Variants in SORCS1 observed in about 807,000 individuals in gnomAD.
SORCS1 encodes sortilin related VPS10 domain containing receptor 1.
In SORCS1, 60 loss-of-function variants were observed where a neutral mutation model predicts 146.1. That is an observed-to-expected ratio of 0.41 (90% CI 0.33 to 0.51). The LOEUF (loss-of-function observed/expected upper bound fraction) is 0.51. SORCS1 is among the 20% of genes least tolerant of loss of function. The pLI is 0.21. For synonymous variants in SORCS1, 637 were observed against 584.0 expected (o/e 1.09, Z -1.31); for missense variants, 1,352 against 1,487.6 (o/e 0.91, Z 1.50).
chr10:106,802,955 T>C (rs1946984863), intron 3 of SORCS1, among the ~76,000 whole-genome samples: 1 of 152,146 alleles, frequency 6.6e-6, no homozygotes, highest in Non-Finnish European at 1.5e-5. Context: ...TTTTTAAAAC[T>C]TCGTTAAAAT....
intron 3 of SORCS1, among the ~76,000 whole-genome samples, chr10:106,791,802 C>T (rs576897878): frequency 3.2e-4 from 48 of 152,312 alleles, no homozygotes; most frequent in African/African-American, 1.1e-3. Flanking sequence ...CCTATCGCAA[C>T]ACTAGGTTTT....
chr10:107,028,923 A>C (rs1958523659), intron 1 of SORCS1, among the ~76,000 whole-genome samples: 2 of 152,236 alleles, frequency 1.3e-5, no homozygotes, highest in African/African-American at 2.4e-5. Context: ...CATTAAAATG[A>C]ATCAGTTGGA....
chr10:106,747,623 G>A (rs1372572684), intron 5 of SORCS1, among the ~76,000 whole-genome samples: 1 of 151,910 alleles, frequency 6.6e-6, no homozygotes, highest in African/African-American at 2.4e-5. Context: ...TTAGCATTCT[G>A]CATCTCGGTA....
chr10:106,929,993 T>C (rs1953314757), intron 2 of SORCS1, among the ~76,000 whole-genome samples: 1 of 152,234 alleles, frequency 6.6e-6, no homozygotes, highest in Admixed American at 6.5e-5. Flanking sequence ...ATGCCTGTAA[T>C]CCCAGCAGTT....
chr10:106,926,472 G>T (rs1953024045), intron 2 of SORCS1, among the ~76,000 whole-genome samples: 1 of 152,114 alleles, frequency 6.6e-6, no homozygotes, highest in African/African-American at 2.4e-5. Flanking sequence ...TGAATGGGCT[G>T]CTGTGAGAAT....
At chr10:106,705,063 G>A (rs1854420721) in intron 8 of SORCS1, among the ~76,000 whole-genome samples, 1 of 151,580 alleles carries the variant, frequency 6.6e-6, no homozygotes, top group Non-Finnish European at 1.5e-5. Context: ...CTCATCTAAG[G>A]CACAACTTAA....
chr10:106,735,455 G>A (rs1448071549), intron 5 of SORCS1, among the ~76,000 whole-genome samples: 3 of 152,178 alleles, frequency 2.0e-5, no homozygotes, highest in African/African-American at 7.2e-5. Context: ...GACACAGGAG[G>A]AATGACCTTT....
In SORCS1 at chr10:106,761,772, A is replaced by C. The variant is rs1418894140; in HGVS notation, c.886-111T>G. 417 of 894,778 alleles carry C rather than the reference A, an allele frequency of 4.7e-4. 1 individual carries two copies. The highest frequency in any genetic ancestry group is 2.5e-5 in the Non-Finnish European group (14 of 563,690). The allele number at this position is 894,778 out of a possible 1,614,324, so 55.4% of individuals were successfully genotyped here. On this transcript the variant is annotated intron_variant, in intron 4 of 25. Coordinates refer to ENST00000263054, the MANE Select transcript of SORCS1 (RefSeq NM_052918.5). ...TAATAATACCCAACATTTACTGAAC[A>C]CCTGCCATATACAAGGTGAGTGCTC...
intron 1 of SORCS1, among the ~76,000 whole-genome samples, chr10:107,131,586 G>A (rs1025596892): frequency 4.6e-5 from 7 of 152,154 alleles, no homozygotes; most frequent in African/African-American, 1.7e-4. Flanking sequence ...TTAGCCGGGT[G>A]TGGTGGCAGG....
chr10:107,164,930 C>T (rs1969998367), upstream of SORCS1, among the ~76,000 whole-genome samples: 1 of 149,216 alleles, frequency 6.7e-6, no homozygotes, highest in Non-Finnish European at 1.5e-5. This position sits in a 1 kb window ranked among gnomAD's most constrained non-coding sequence, Gnocchi z 6.8. Context: ...CAGGCGCTGC[C>T]GCCGCCTCTC....
chr10:106,629,163 T>C, intron 19 of SORCS1, 39 bp downstream of exon 19: 1 of 1,566,262 alleles, frequency 6.4e-7, no homozygotes. Context: ...GGACACAATA[T>C]TTAAGATAGG....
upstream of SORCS1, among the ~76,000 whole-genome samples, chr10:107,165,031 G>T (rs564018996): frequency 0.01 from 1,544 of 151,906 alleles, 23 homozygotes; most frequent in African/African-American, 0.035. This position sits in a 1 kb window ranked among gnomAD's most constrained non-coding sequence, Gnocchi z 4.0. Flanking sequence ...CGGGCTCCCG[G>T]AGCAGTCGAT....
At chr10:107,008,581 T>A (rs1957551414) in intron 1 of SORCS1, among the ~76,000 whole-genome samples, 1 of 152,186 alleles carries the variant, frequency 6.6e-6, no homozygotes, top group South Asian at 2.1e-4. Context: ...AACGGTACAA[T>A]TAGAAACAAT....
chr10:106,729,029 C>T (rs936674076), intron 6 of SORCS1, among the ~76,000 whole-genome samples: 16 of 152,210 alleles, frequency 1.1e-4, no homozygotes, highest in Middle Eastern at 3.4e-3. Context: ...CTAGGCCTAG[C>T]GGTACCCCTG....
intron 2 of SORCS1, among the ~76,000 whole-genome samples, chr10:106,944,029 AC>A (rs1249069864): frequency 1.3e-5 from 2 of 151,874 alleles, no homozygotes; most frequent in South Asian, 2.1e-4. Context: ...TATTAAAATC[AC>A]CCCCACACTC....
At chr10:106,716,246 A>G (rs912642973) in intron 6 of SORCS1, among the ~76,000 whole-genome samples, 1 of 152,184 alleles carries the variant, frequency 6.6e-6, no homozygotes, top group African/African-American at 2.4e-5. Context: ...CCCAACACAC[A>G]GGGCCAATCA....
intron 5 of SORCS1, among the ~76,000 whole-genome samples, chr10:106,756,886 C>A (rs1361452301): frequency 6.6e-6 from 1 of 152,162 alleles, no homozygotes; most frequent in Non-Finnish European, 1.5e-5. Flanking sequence ...TGCCTCCTTG[C>A]CCCTCCCTAG....
intron 2 of SORCS1, among the ~76,000 whole-genome samples, chr10:106,839,263 T>G (rs1408329663): frequency 2.0e-5 from 3 of 152,172 alleles, no homozygotes; most frequent in South Asian, 4.1e-4. Flanking sequence ...GAAAAAGTTG[T>G]TGAAGAAAAT....
chr10:107,064,682 G>A (rs951861650), intron 1 of SORCS1, among the ~76,000 whole-genome samples: 1 of 152,202 alleles, frequency 6.6e-6, no homozygotes, highest in African/African-American at 2.4e-5. Context: ...CTTGCAGACA[G>A]CAACCTGTTT....
Sources: gnomAD v4.1 joint callset for allele counts (sites outside exome capture counted in the v4.1 genomes callset) on GRCh38, gnomAD v4.1.1 for gene constraint, Gnocchi (gnomAD v3.1) non-coding constraint, MANE v1.5 for transcripts, NCBI Gene and HGNC (gene_info 2026-07-23, HGNC 2026-07-21) for gene names.